The following SETD3 variants were observed in gnomAD, a reference collection of about 807,000 sequenced individuals.
The protein encoded by SETD3 is SET domain containing 3, actin N3(tau)-histidine methyltransferase.
In SETD3, 19 loss-of-function variants were observed where a neutral mutation model predicts 63.0. The ratio of observed to expected loss-of-function variants is 0.30; its 90% CI spans 0.21 to 0.44. The LOEUF (loss-of-function observed/expected upper bound fraction) is 0.44, where lower values mean the gene tolerates loss of function less well. Among genes scored for constraint, SETD3 ranks in the 20% least tolerant of loss-of-function variants. SETD3 has a pLI of 1.00. For synonymous variants in SETD3, 286 were observed against 264.1 expected (o/e 1.08, Z -0.80); for missense variants, 587 against 728.5 (o/e 0.81, Z 2.24).
chr14:99,457,948 C>A (rs1192007607), intron 6 of SETD3, among the ~76,000 whole-genome samples: 2 of 152,092 alleles, frequency 1.3e-5, no homozygotes, highest in Non-Finnish European at 2.9e-5. Flanking sequence ...AATTTATACA[C>A]AGAGTAACTT....
chr14:99,458,184 C>T, intron 6 of SETD3, 95 bp downstream of exon 6: 2 of 1,350,866 alleles, frequency 1.5e-6, no homozygotes, highest in Non-Finnish European at 1.0e-6. Flanking sequence ...GTTTAAGTAT[C>T]CTTAATAAGA....
chr14:99,446,405 G>A (rs1209414504), intron 6 of SETD3, among the ~76,000 whole-genome samples: 1 of 152,180 alleles, frequency 6.6e-6, no homozygotes, highest in Non-Finnish European at 1.5e-5. Context: ...TATAGTTTCA[G>A]ACACCTCCTT....
intron 6 of SETD3, among the ~76,000 whole-genome samples, chr14:99,418,727 T>C (rs578000031): frequency 1.3e-5 from 2 of 152,006 alleles, no homozygotes; most frequent in African/African-American, 4.8e-5. Flanking sequence ...AAAGCAATAC[T>C]GCACCAATCA....
At chr14:99,481,695 GA>G (rs1334382580), upstream of SETD3, 1 of 386,838 alleles carries the variant, frequency 2.6e-6, no homozygotes, top group Non-Finnish European at 4.6e-6. Context: ...GCGGGGCAGG[GA>G]GGCCGGACTC....
Position 99,398,613 on chromosome 14 carries a change from A to G in SETD3, c.*66T>C. The G allele has an allele frequency of 7.2e-7, 1 of 1,382,720 alleles. No individual in the cohort carries two copies. The highest frequency in any genetic ancestry group is 2.3e-5 in the East Asian group (1 of 43,354). 85.7% of individuals were successfully genotyped at this position (1,382,720 alleles called of 1,614,324 possible). ...AAGAAAAATGTTAACAAGGAAACAC[A>G]GCGATGTGAACGGACTGTCCGTCAA... On this transcript the variant is annotated 3_prime_UTR_variant, in exon 13 of 13. Coordinates refer to ENST00000331768, the MANE Select transcript of SETD3 (RefSeq NM_032233.3).
intron 12 of SETD3, 69 bp downstream of exon 12, chr14:99,400,030 C>T (rs778655463): frequency 9.3e-6 from 13 of 1,404,966 alleles, no homozygotes; most frequent in Non-Finnish European, 1.2e-5. Context: ...CGTGAGCCAC[C>T]GCACCAAGCC....
At chr14:99,414,056 C>T (rs1474652403) in intron 6 of SETD3, 122 bp from the exon 7 acceptor site, 10 of 863,904 alleles carry the variant, frequency 1.2e-5, no homozygotes, top group Admixed American at 8.3e-5. Context: ...ATGAAGCAGG[C>T]GGCGTCCAGC....
At chr14:99,446,847 C>CA (rs1894156451) in intron 6 of SETD3, among the ~76,000 whole-genome samples, 1 of 152,086 alleles carries the variant, frequency 6.6e-6, no homozygotes, top group South Asian at 2.1e-4. Flanking sequence ...CCTGGGAACT[C>CA]AAACCCGCCT....
In SETD3 at chr14:99,477,126, T is replaced by C. The variant is rs180873013; in HGVS notation, c.-9+3602A>G. Among the ~76,000 whole-genome samples, 37 of 152,300 alleles carry C rather than the reference T, an allele frequency of 2.4e-4. No homozygotes were observed. In the East Asian group the frequency reaches 6.6e-3, roughly 27 times the overall value. On this transcript the variant is annotated intron_variant, in intron 1 of 12. Transcript: ENST00000331768. ...ACTTCAAAGATAGATGTGTCTTTCA[T>C]TGTCAACCAAGACTGTTTGGACTCA...
intron 1 of SETD3, among the ~76,000 whole-genome samples, chr14:99,476,451 A>C (rs1317806959): frequency 6.6e-6 from 1 of 152,232 alleles, no homozygotes; most frequent in Admixed American, 6.5e-5. Flanking sequence ...AATTTGGGAC[A>C]TGGGCAAAAC....
At chr14:99,461,389 A>AAGG in intron 3 of SETD3, 49 bp from the exon 4 acceptor site, 5 of 1,569,966 alleles carry the variant, frequency 3.2e-6, no homozygotes, top group Non-Finnish European at 3.5e-6. Flanking sequence ...TAGGACACAT[A>AAGG]TCATTCACAC....
chr14:99,449,519 C>A (rs1200623764), intron 6 of SETD3, among the ~76,000 whole-genome samples: 1 of 152,144 alleles, frequency 6.6e-6, no homozygotes, highest in Non-Finnish European at 1.5e-5. Context: ...CAAATGCATA[C>A]TGAGGGACCT....
upstream of SETD3, chr14:99,481,144 G>C: frequency 3.0e-6 from 1 of 338,974 alleles, no homozygotes; most frequent in African/African-American, 2.1e-5. Flanking sequence ...CCCCGCCTAC[G>C]CGCCCAAGTT....
intron 1 of SETD3, among the ~76,000 whole-genome samples, chr14:99,480,266 AGC>A (rs1896212403): frequency 6.6e-6 from 1 of 151,812 alleles, no homozygotes; most frequent in Non-Finnish European, 1.5e-5. Flanking sequence ...AGGAAATGGG[AGC>A]GCGACCCGGC....
upstream of SETD3, among the ~76,000 whole-genome samples, chr14:99,482,104 G>C (rs934836120): frequency 2.0e-5 from 3 of 152,220 alleles, no homozygotes; most frequent in African/African-American, 7.2e-5. Flanking sequence ...TTATGTGACA[G>C]CTCCTAAACG....
chr14:99,465,608 C>T, intron 2 of SETD3, 95 bp downstream of exon 2: 1 of 977,894 alleles, frequency 1.0e-6, no homozygotes, highest in Non-Finnish European at 1.6e-6. Flanking sequence ...ACCTGAATAC[C>T]AGCTTGTCTG....
At chr14:99,471,730 ACT>A (rs766515060) in intron 1 of SETD3, among the ~76,000 whole-genome samples, 5 of 152,216 alleles carry the variant, frequency 3.3e-5, no homozygotes, top group Non-Finnish European at 7.3e-5. Flanking sequence ...AATAAGAGAG[ACT>A]CTGAAAAACA....
intron 1 of SETD3, among the ~76,000 whole-genome samples, chr14:99,480,256 A>C (rs561677271): frequency 9.2e-5 from 14 of 152,072 alleles, no homozygotes; most frequent in Middle Eastern, 6.8e-3. Flanking sequence ...GGAGGAAGGA[A>C]GGAAATGGGA....
At chr14:99,427,070 G>A (rs987778883) in intron 6 of SETD3, among the ~76,000 whole-genome samples, 7 of 152,284 alleles carry the variant, frequency 4.6e-5, no homozygotes, top group Admixed American at 6.5e-5. Context: ...CATCCGGAGC[G>A]CCTCCTGTCA....
Sources: gnomAD v4.1 joint callset for allele counts (sites outside exome capture counted in the v4.1 genomes callset) on GRCh38, gnomAD v4.1.1 for gene constraint, MANE v1.5 for transcripts, NCBI Gene and HGNC (gene_info 2026-07-23, HGNC 2026-07-21) for gene names.